CWC27: variants seen among roughly 807,000 people sequenced by gnomAD.
The protein encoded by CWC27 is spliceosome-associated protein CWC27 homolog.
In CWC27, 47 loss-of-function variants were observed where a neutral mutation model predicts 63.6. The observed-to-expected ratio is 0.74, with a 90% CI of 0.58 to 0.94. CWC27 has a LOEUF of 0.94. Ranked by LOEUF, CWC27 falls within the 40% of genes least tolerant of loss-of-function variation. The pLI is 0.00. For synonymous variants in CWC27, 175 were observed against 179.8 expected (o/e 0.97, Z 0.22); for missense variants, 495 against 554.3 (o/e 0.89, Z 1.07).
At chr5:64,850,744 T>TG in intron 10 of CWC27, among the ~76,000 whole-genome samples, 1 of 152,036 alleles carries the variant, frequency 6.6e-6, no homozygotes, top group South Asian at 2.1e-4. Flanking sequence ...AATTAAAACC[T>TG]GGGGACGGGA....
intron 11 of CWC27, among the ~76,000 whole-genome samples, chr5:64,906,521 G>A (rs1315442027): frequency 6.6e-6 from 1 of 152,036 alleles, no homozygotes; most frequent in Non-Finnish European, 1.5e-5. Flanking sequence ...GGAGTTGTTT[G>A]TTTTTCTCTT....
At position 64,861,018 on chromosome 5, in the gene CWC27, T is replaced by C. The variant is rs144859587; in HGVS notation, c.939-24425T>C. Among the ~76,000 whole-genome samples, 728 of 152,288 alleles carry C rather than the reference T, an allele frequency of 4.8e-3. 20 individuals are homozygous for C. Among genetic ancestry groups the C allele is most frequent in the Admixed American group, 0.032 (491 of 15,298 alleles). On this transcript the variant is annotated intron_variant, in intron 10 of 13. Coordinates refer to ENST00000381070, the MANE Select transcript of CWC27 (RefSeq NM_005869.4). ...TGTTCTGCAATATCTGGGACCTTAG[T>C]TGGGGCTCCTCAAATGGTTAGGAGC...
chr5:64,837,324 G>A (rs73101354), intron 10 of CWC27, among the ~76,000 whole-genome samples: 4,317 of 152,046 alleles, frequency 0.028, 145 homozygotes, highest in African/African-American at 0.087. Context: ...TACATTTTTG[G>A]TTGTTGAGAT....
chr5:64,778,723 T>A (rs1363128180), intron 2 of CWC27, among the ~76,000 whole-genome samples: 1 of 152,216 alleles, frequency 6.6e-6, no homozygotes, highest in Non-Finnish European at 1.5e-5. Flanking sequence ...ACAGTGTTAG[T>A]GTAACTGATG....
intron 13 of CWC27, among the ~76,000 whole-genome samples, chr5:64,984,846 T>C (rs540297535): frequency 6.6e-6 from 1 of 152,344 alleles, no homozygotes; most frequent in East Asian, 1.9e-4. Flanking sequence ...TTTAGTGTTA[T>C]GTCTAAGAAT....
intron 10 of CWC27, among the ~76,000 whole-genome samples, chr5:64,873,251 T>A (rs978010546): frequency 6.6e-6 from 1 of 152,100 alleles, no homozygotes; most frequent in Non-Finnish European, 1.5e-5. Context: ...ACAGTAAAGG[T>A]CAGTCAATTA....
intron 10 of CWC27, among the ~76,000 whole-genome samples, chr5:64,875,674 A>T (rs1216050908): frequency 1.3e-5 from 2 of 152,164 alleles, no homozygotes; most frequent in African/African-American, 4.8e-5. Flanking sequence ...CTTGCATAGC[A>T]TATATTTAAT....
At chr5:65,015,015 G>A (rs1221447678) in intron 13 of CWC27, among the ~76,000 whole-genome samples, 1 of 152,162 alleles carries the variant, frequency 6.6e-6, no homozygotes, top group Non-Finnish European at 1.5e-5. Context: ...CTTGCTTAGT[G>A]CAGTGGTGTA....
intron 10 of CWC27, among the ~76,000 whole-genome samples, chr5:64,833,256 T>C (rs1174179595): frequency 2.0e-5 from 3 of 151,786 alleles, no homozygotes; most frequent in Non-Finnish European, 4.4e-5. Flanking sequence ...TCAAATCAGC[T>C]CATGCTTAAA....
intron 10 of CWC27, chr5:64,807,674 T>C (rs1050236138): frequency 2.6e-6 from 4 of 1,535,970 alleles, no homozygotes; most frequent in Non-Finnish European, 3.5e-6. Flanking sequence ...CAAGCTGGTA[T>C]TATTATGGAT....
At chr5:64,838,908 G>C (rs1482819290) in intron 10 of CWC27, among the ~76,000 whole-genome samples, 1 of 152,062 alleles carries the variant, frequency 6.6e-6, no homozygotes, top group Non-Finnish European at 1.5e-5. Context: ...CTGCTTAGGG[G>C]ATTTATGAAA....
At position 64,967,441 on chromosome 5, in the gene CWC27, T is replaced by A. The variant is rs147227716; in HGVS notation, c.1043-4262T>A. Among the ~76,000 whole-genome samples, 622 of 152,050 alleles carry A rather than the reference T, an allele frequency of 4.1e-3. 2 individuals carry two copies. Among genetic ancestry groups the A allele is most frequent in the African/African-American group, 0.014 (581 of 41,512 alleles). On this transcript the variant is annotated intron_variant, in intron 11 of 13. Transcript: ENST00000381070. ...TGTCAAGCTGATTTTAAAATTTATATGGAAAGGCAAAGGAACAAAAATCAC... is the reference window on the plus strand; with the variant it reads ...TGTCAAGCTGATTTTAAAATTTATAAGGAAAGGCAAAGGAACAAAAATCAC...
intron 12 of CWC27, chr5:64,972,742 T>G (rs992636369): frequency 9.1e-6 from 4 of 441,216 alleles, no homozygotes; most frequent in Non-Finnish European, 1.8e-5. Context: ...TAAGGATGAC[T>G]CATTCATTCA....
chr5:64,776,864 GATGTTC>G (rs1215347027), intron 2 of CWC27, among the ~76,000 whole-genome samples: 1 of 152,070 alleles, frequency 6.6e-6, no homozygotes, highest in Non-Finnish European at 1.5e-5. Flanking sequence ...CAACTAAAAT[GATGTTC>G]ATAGCCAAAG....
chr5:64,960,952 G>C (rs1423713920), intron 11 of CWC27, among the ~76,000 whole-genome samples: 1 of 151,530 alleles, frequency 6.6e-6, no homozygotes, highest in Non-Finnish European at 1.5e-5. Flanking sequence ...TGAATTTGCA[G>C]CTACTTAGAG....
At chr5:64,793,303 A>C (rs1561409412) in intron 7 of CWC27, among the ~76,000 whole-genome samples, 3 of 152,138 alleles carry the variant, frequency 2.0e-5, no homozygotes, top group Non-Finnish European at 4.4e-5. Flanking sequence ...AAAAAAGTTA[A>C]AATCTACAGA....
intron 13 of CWC27, among the ~76,000 whole-genome samples, chr5:65,009,002 T>TAAA (rs11396601): frequency 6.7e-6 from 1 of 150,234 alleles, no homozygotes; most frequent in African/African-American, 2.4e-5. Context: ...GTAATTTATT[T>TAAA]AAAAAAAAAA....
At chr5:64,803,937 G>A (rs1000757734) in intron 9 of CWC27, among the ~76,000 whole-genome samples, 1 of 151,984 alleles carries the variant, frequency 6.6e-6, no homozygotes. Flanking sequence ...AGACAGAATA[G>A]CCCGAGTGAC....
chr5:64,779,426 A>G (rs1743578734), intron 2 of CWC27, among the ~76,000 whole-genome samples: 1 of 152,220 alleles, frequency 6.6e-6, no homozygotes, highest in Admixed American at 6.5e-5. Flanking sequence ...CATACTACAT[A>G]TGTTTTCCTC....
Sources: allele counts gnomAD v4.1 joint callset (sites outside exome capture counted in the v4.1 genomes callset), GRCh38; gene constraint gnomAD v4.1.1; transcripts MANE v1.5; gene names NCBI Gene and HGNC (gene_info 2026-07-23, HGNC 2026-07-21).